Variants in PCSK5 observed in about 807,000 individuals in gnomAD.
PCSK5 encodes the protein prohormone convertase 5.
PCSK5 carries 129 observed loss-of-function variants against 233.2 expected under a neutral mutation model. The observed-to-expected ratio is 0.55, with a 90% CI of 0.48 to 0.64. The LOEUF is 0.64. Ranked by LOEUF, PCSK5 falls within the 30% of genes least tolerant of loss-of-function variation. The pLI, the probability that PCSK5 is intolerant of heterozygous loss-of-function variation, is 0.00. For synonymous variants in PCSK5, 825 were observed against 879.2 expected (o/e 0.94, Z 1.09); for missense variants, 2,076 against 2,430.1 (o/e 0.85, Z 3.06).
At chr9:76,307,184 T>G (rs2351466) in intron 28 of PCSK5, among the ~76,000 whole-genome samples, 32,262 of 151,980 alleles carry the variant, frequency 0.21, 3,767 homozygotes, top group Middle Eastern at 0.32. Flanking sequence ...AATTACCGTA[T>G]CCATGGTTAC....
Position 76,000,812 on chromosome 9 carries a change from G to A in PCSK5, c.411+14567G>A, listed in dbSNP as rs1380602731. The stretch of plus-strand genomic sequence containing the variant: ...AGTTGACTTCTAGGTCCTTTAATGT[G>A]ACCCCAGTATATTCTTTTTCTGGTA... On this transcript the variant is annotated intron_variant, in intron 3 of 37. Transcript: ENST00000674117. Among the ~76,000 whole-genome samples the A allele has an allele frequency of 2.0e-5, 3 of 152,148 alleles. No individual in the cohort carries two copies. In the East Asian group the frequency reaches 5.8e-4, roughly 29 times the overall value.
intron 10 of PCSK5, among the ~76,000 whole-genome samples, chr9:76,136,068 A>G (rs755573647): frequency 1.1e-4 from 16 of 151,812 alleles, no homozygotes; most frequent in Non-Finnish European, 1.6e-4. Flanking sequence ...ATAATATTTC[A>G]CTCTTCTCTT....
chr9:76,356,534 C>T (rs1381919293), intron 37 of PCSK5, among the ~76,000 whole-genome samples: 1 of 152,232 alleles, frequency 6.6e-6, no homozygotes, highest in Admixed American at 6.5e-5. Context: ...CACAGTACCA[C>T]ACACAGATTG....
chr9:76,237,509 TG>T (rs1187343592), intron 22 of PCSK5, among the ~76,000 whole-genome samples: 1 of 152,050 alleles, frequency 6.6e-6, no homozygotes, highest in African/African-American at 2.4e-5. Flanking sequence ...GGCTCACGCC[TG>T]TAATCCCAGA....
At chr9:76,082,706 A>T (rs1230112179) in intron 7 of PCSK5, among the ~76,000 whole-genome samples, 1 of 151,974 alleles carries the variant, frequency 6.6e-6, no homozygotes, top group Non-Finnish European at 1.5e-5. Context: ...CCTTGGAATC[A>T]TCTTTTTTGC....
At chr9:76,099,958 T>C (rs934915795) in intron 8 of PCSK5, among the ~76,000 whole-genome samples, 2 of 152,166 alleles carry the variant, frequency 1.3e-5, no homozygotes, top group African/African-American at 4.8e-5. Context: ...GGGAAAAAAA[T>C]CTCTCTGCTT....
At chr9:76,122,900 G>T (rs1832702806) in intron 9 of PCSK5, among the ~76,000 whole-genome samples, 2 of 145,786 alleles carry the variant, frequency 1.4e-5, no homozygotes, top group Admixed American at 6.9e-5. Context: ...GTGCGATCTT[G>T]GCTCACTGCA....
Position 76,077,456 on chromosome 9 carries a change from A to G in PCSK5, c.894+5558A>G, listed in dbSNP as rs567267563. Among the ~76,000 whole-genome samples the G allele has an allele frequency of 2.0e-5, 3 of 152,268 alleles. No homozygotes were observed. In the South Asian group the frequency reaches 6.2e-4, roughly 32 times the overall value. On this transcript the variant is annotated intron_variant, in intron 7 of 37. Coordinates refer to ENST00000674117, the MANE Select transcript of PCSK5 (RefSeq NM_001372043.1). ...AACTTTATTTTAGATTCAGGGGTAC[A>G]TGTGCAGGTTTGTTACGTGGGTAAA...
intron 12 of PCSK5, among the ~76,000 whole-genome samples, chr9:76,168,835 A>G (rs72618112): frequency 0.039 from 5,997 of 152,212 alleles, 477 homozygotes; most frequent in East Asian, 0.33. Flanking sequence ...AAACAATTCT[A>G]TCACCCTCAA....
intron 5 of PCSK5, among the ~76,000 whole-genome samples, chr9:76,039,460 A>G (rs1380817373): frequency 2.0e-5 from 3 of 152,224 alleles, no homozygotes; most frequent in Non-Finnish European, 4.4e-5. Context: ...TGGATAGTAC[A>G]TACTCATAGA....
At chr9:76,106,781 A>G (rs1831996935) in intron 8 of PCSK5, among the ~76,000 whole-genome samples, 1 of 152,192 alleles carries the variant, frequency 6.6e-6, no homozygotes, top group Non-Finnish European at 1.5e-5. Flanking sequence ...TGGTTCCCCA[A>G]GGTAACAGTT....
intron 5 of PCSK5, among the ~76,000 whole-genome samples, chr9:76,064,174 A>G (rs1340588253): frequency 2.3e-3 from 166 of 71,422 alleles, no homozygotes; most frequent in Middle Eastern, 0.014. Context: ...GCGGCTGGCC[A>G]GGCGGGGGGC....
intron 35 of PCSK5, among the ~76,000 whole-genome samples, chr9:76,343,704 C>T (rs1829900964): frequency 6.6e-6 from 1 of 152,144 alleles, no homozygotes; most frequent in Non-Finnish European, 1.5e-5. Context: ...CTACCTCTTT[C>T]TGATCCATTA....
intron 34 of PCSK5, among the ~76,000 whole-genome samples, chr9:76,336,337 G>A (rs10120481): frequency 0.22 from 33,107 of 152,072 alleles, 3,702 homozygotes; most frequent in Middle Eastern, 0.36. Context: ...ATTGGGACCT[G>A]TAGTGTTGCA....
At chr9:75,984,225 A>G (rs1826403058) in intron 2 of PCSK5, among the ~76,000 whole-genome samples, 2 of 152,126 alleles carry the variant, frequency 1.3e-5, no homozygotes, top group Admixed American at 6.5e-5. Flanking sequence ...TACTTATTTC[A>G]TTTGTCTATT....
chr9:76,020,825 G>T (rs1036746327), intron 3 of PCSK5, among the ~76,000 whole-genome samples: 1 of 152,126 alleles, frequency 6.6e-6, no homozygotes, highest in African/African-American at 2.4e-5. Context: ...CCCATTTCCT[G>T]TGCATTTCCT....
chr9:76,027,030 G>A lies in PCSK5; in HGVS notation c.625G>A (p.Glu209Lys), dbSNP rs754297079. 2.5e-6 allele frequency: 4 copies of A among 1,608,198 alleles called. No individual in the cohort carries two copies. The highest frequency in any genetic ancestry group is 1.7e-6 in the Non-Finnish European group (2 of 1,176,434). The stretch of plus-strand genomic sequence containing the variant: ...AATGCCTCGTTATGATGCAAGCAAC[G>A]AGAACAAGTAAGGCCCAAGTGAGGG... The part of the protein sequence containing the change: ...DPMPRYDASN[E>K]NKHGTRCAGE... The change falls in exon 5 of 38, where the codon GAG becomes AAG. Residue 209 changes from glutamate (E) to lysine (K), a missense_variant. Transcript: ENST00000674117.
intron 24 of PCSK5, among the ~76,000 whole-genome samples, chr9:76,264,411 G>T (rs775801238): frequency 1.6e-4 from 25 of 152,064 alleles, no homozygotes; most frequent in Non-Finnish European, 3.5e-4. Flanking sequence ...AGGAATTTAT[G>T]ACTAAGTCAT....
At position 76,358,674 on chromosome 9, in the gene PCSK5, T is replaced by C; in HGVS notation, c.5416T>C (p.Tyr1806His). The change falls in exon 38 of 38, where the codon TAT becomes CAT. Residue 1806 changes from tyrosine (Y) to histidine (H), a missense_variant. Coordinates refer to ENST00000674117, the MANE Select transcript of PCSK5 (RefSeq NM_001372043.1). ...AGTCCAGCCAGCAGCAAAGGCCGGCTATGAAAAACTGGCCGACCCCAACAA... is the reference window on the plus strand; with the variant it reads ...AGTCCAGCCAGCAGCAAAGGCCGGCCATGAAAAACTGGCCGACCCCAACAA... Reference protein sequence around the residue: ...GRVQPAAKAGYEKLADPNKSY... With the variant: ...GRVQPAAKAGHEKLADPNKSY... 6.2e-7 allele frequency: 1 copy of C among 1,612,828 alleles called. No homozygotes were observed. Among genetic ancestry groups the C allele is most frequent in the Non-Finnish European group, 8.5e-7 (1 of 1,179,886 alleles).
Sources: allele counts gnomAD v4.1 joint callset (sites outside exome capture counted in the v4.1 genomes callset), GRCh38; gene constraint gnomAD v4.1.1; transcripts MANE v1.5; gene names NCBI Gene and HGNC (gene_info 2026-07-23, HGNC 2026-07-21).